The following TULP4 variants were observed in gnomAD, a reference collection of about 807,000 sequenced individuals.
The protein encoded by TULP4 is TUB like protein 4.
Under a neutral mutation model 129.0 loss-of-function variants are expected in TULP4, and 16 were observed. The observed-to-expected ratio is 0.12, with a 90% CI of 0.08 to 0.19. The LOEUF (loss-of-function observed/expected upper bound fraction) is 0.19. Ranked by LOEUF, TULP4 falls within the 10% of genes least tolerant of loss-of-function variation. The pLI, the probability that TULP4 is intolerant of heterozygous loss-of-function variation, is 1.00. For synonymous variants in TULP4, 998 were observed against 854.0 expected, an observed-to-expected ratio of 1.17 and a Z score of -2.94; for missense variants, 1,842 against 2,059.1, an observed-to-expected ratio of 0.89 and a Z score of 2.04.
In TULP4 at chr6:158,440,170, A is replaced by G. The variant is rs576511146; in HGVS notation, c.544-8826A>G. Among the ~76,000 whole-genome samples the G allele has an allele frequency of 3.3e-5, 5 of 151,970 alleles. No homozygotes were observed. In the East Asian group the frequency reaches 9.8e-4, roughly 30 times the overall value. ...CCCTGTCTCTACAAAAAATACAAAA[A>G]TTATCCGGGTGTGGGGGCACACATA... On this transcript the variant is annotated intron_variant, in intron 3 of 13. Coordinates refer to ENST00000367097, the MANE Select transcript of TULP4 (RefSeq NM_020245.5).
At position 158,470,009 on chromosome 6, in the gene TULP4, G is replaced by A. The variant is rs555114338; in HGVS notation, c.1026+8280G>A. ...CACGGATTCCAAGGAATGGAATCTT[G>A]GGCCATGCAGTGGGTGTTATAGCTC... On this transcript the variant is annotated intron_variant, in intron 6 of 13. Coordinates refer to ENST00000367097, the MANE Select transcript of TULP4 (RefSeq NM_020245.5). Among the ~76,000 whole-genome samples, 4 of 152,176 alleles carry A rather than the reference G, an allele frequency of 2.6e-5. No individual in the cohort carries two copies. In the East Asian group the frequency reaches 7.8e-4, roughly 30 times the overall value.
At chr6:158,294,382 AAAAT>A (rs1240946365) in intron 1 of TULP4, among the ~76,000 whole-genome samples, 5 of 151,630 alleles carry the variant, frequency 3.3e-5, no homozygotes, top group African/African-American at 9.7e-5. Flanking sequence ...AATAAAAAAA[AAAAT>A]AAATAAAGCA....
chr6:158,394,656 G>A (rs549291810), intron 1 of TULP4, among the ~76,000 whole-genome samples: 7 of 151,540 alleles, frequency 4.6e-5, no homozygotes, highest in East Asian at 1.9e-4. Flanking sequence ...ACGTGGTGGC[G>A]GGCGCCTGTA....
intron 2 of TULP4, among the ~76,000 whole-genome samples, chr6:158,427,513 G>T (rs1434400877): frequency 1.2e-4 from 3 of 25,136 alleles, no homozygotes; most frequent in African/African-American, 4.7e-4. Context: ...TTTTTTTTTT[G>T]AGACGGAGTC....
At chr6:158,448,939 G>A in intron 3 of TULP4, 57 bp from the exon 4 acceptor site, 3 of 1,525,926 alleles carry the variant, frequency 2.0e-6, no homozygotes, top group Non-Finnish European at 2.7e-6. Flanking sequence ...GCAACAAGGT[G>A]TGCCAGAAAC....
At chr6:158,274,181 C>T (rs1168462551) in intron 1 of TULP4, among the ~76,000 whole-genome samples, 1 of 152,046 alleles carries the variant, frequency 6.6e-6, no homozygotes, top group Non-Finnish European at 1.5e-5. Context: ...TTGCTTGAAC[C>T]CGGGAGGTGG....
At chr6:158,289,561 A>G (rs563990398) in intron 1 of TULP4, among the ~76,000 whole-genome samples, 3 of 152,220 alleles carry the variant, frequency 2.0e-5, no homozygotes, top group African/African-American at 4.8e-5. Flanking sequence ...CTTTTATAAC[A>G]TAAGTTGTTG....
intron 1 of TULP4, among the ~76,000 whole-genome samples, chr6:158,291,231 T>C (rs1583709094): frequency 2.0e-5 from 3 of 152,240 alleles, no homozygotes; most frequent in Non-Finnish European, 2.9e-5. Flanking sequence ...AGATGTTATA[T>C]TGCGAGGTCA....
rs1455611417 is a variant in TULP4, at chr6:158,317,698, G to GTATT, written c.252+3432_252+3435dup. ...AGTAATGGGATGGCTGGATCAAATG[G>GTATT]TATTTCTAGTTCTAGATCCTTGAGG... On this transcript the variant is annotated intron_variant, in intron 1 of 13. Transcript: ENST00000367097. 2.0e-5 allele frequency among the ~76,000 whole-genome samples: 3 copies of GTATT among 152,156 alleles called. No homozygotes were observed. The East Asian group carries it at 5.8e-4, about 29-fold the overall frequency.
intron 6 of TULP4, among the ~76,000 whole-genome samples, chr6:158,469,941 A>G (rs1454118182): frequency 1.3e-5 from 2 of 151,972 alleles, no homozygotes; most frequent in Non-Finnish European, 2.9e-5. Flanking sequence ...CACTTCCAAG[A>G]TGGTGGCAAG....
chr6:158,494,694 C>A, intron 10 of TULP4, 59 bp from the exon 11 acceptor site: 1 of 1,465,874 alleles, frequency 6.8e-7, no homozygotes, highest in Non-Finnish European at 9.5e-7. Flanking sequence ...TACTGAGTGA[C>A]CAGTTGAAAA....
chr6:158,503,463 G>GCGC lies in TULP4; in HGVS notation c.3802_3804dup (p.Ala1268dup). On this transcript the variant is annotated inframe_insertion, in exon 13 of 14. Transcript: ENST00000367097. This position sits in a 1 kb window ranked among gnomAD's most constrained non-coding sequence, Gnocchi z 4.3. ...GCCTTGCATCCATGGAGTTCCTACA[G>GCGC]CGCCTGCCCGCCCATGCAGAACCCC... 1 of 1,613,934 alleles carries GCGC rather than the reference G, an allele frequency of 6.2e-7. No homozygotes were observed.
intron 1 of TULP4, among the ~76,000 whole-genome samples, chr6:158,350,631 A>G (rs1780493032): frequency 6.6e-6 from 1 of 152,184 alleles, no homozygotes; most frequent in African/African-American, 2.4e-5. Context: ...AGGCCGAGGC[A>G]GGAGAATCAC....
chr6:158,328,438 A>G (rs1418124062), intron 1 of TULP4, among the ~76,000 whole-genome samples: 10 of 152,046 alleles, frequency 6.6e-5, no homozygotes, highest in Non-Finnish European at 4.4e-5. Flanking sequence ...TCACAACATC[A>G]TTCTTGTTTT....
chr6:158,456,709 G>T (rs780422620), intron 5 of TULP4, among the ~76,000 whole-genome samples: 1 of 151,840 alleles, frequency 6.6e-6, no homozygotes. Flanking sequence ...TGGCGTGTGC[G>T]TGTAATCCCA....
At chr6:158,325,167 T>A (rs1351466734) in intron 1 of TULP4, among the ~76,000 whole-genome samples, 1 of 152,132 alleles carries the variant, frequency 6.6e-6, no homozygotes. Flanking sequence ...TTCAATTCAG[T>A]GCATTTTTTC....
chr6:158,385,656 T>C (rs982071709), intron 1 of TULP4, among the ~76,000 whole-genome samples: 3 of 149,104 alleles, frequency 2.0e-5, no homozygotes, highest in Non-Finnish European at 4.4e-5. Context: ...ACATGTACAA[T>C]ATATACAAAT....
intron 1 of TULP4, among the ~76,000 whole-genome samples, chr6:158,246,024 G>GTGTGTGTGTGTGTGTA (rs71759276): frequency 9.3e-5 from 2 of 21,490 alleles, no homozygotes; most frequent in East Asian, 2.3e-3. Context: ...CCCCTTAGGG[G>GTGTGTGTGTGTGTGTA]TGTGTGTGTG....
At chr6:158,365,431 G>T (rs1583799873) in intron 1 of TULP4, among the ~76,000 whole-genome samples, 1 of 143,602 alleles carries the variant, frequency 7.0e-6, no homozygotes, top group Non-Finnish European at 1.5e-5. Flanking sequence ...TTTTTCTTGT[G>T]TATCTCTTTG....
Sources: gnomAD v4.1 joint callset for allele counts (sites outside exome capture counted in the v4.1 genomes callset) on GRCh38, gnomAD v4.1.1 for gene constraint, Gnocchi (gnomAD v3.1) non-coding constraint, MANE v1.5 for transcripts, NCBI Gene and HGNC (gene_info 2026-07-23, HGNC 2026-07-21) for gene names.